CLASP1: variants seen among roughly 807,000 people sequenced by gnomAD.
CLASP1 encodes CLIP-associating protein 1.
In CLASP1, 38 loss-of-function variants were observed where a neutral mutation model predicts 192.3. That is an observed-to-expected ratio of 0.20 (90% CI 0.15 to 0.26). CLASP1 has a LOEUF of 0.26. CLASP1 is among the 10% of genes least tolerant of loss of function. The probability of loss-of-function intolerance (pLI) is 1.00; values close to 1 mark genes in which losing one functional copy is unlikely to be tolerated. For missense variants in CLASP1, 1,433 were observed against 1,932.5 expected, an observed-to-expected ratio of 0.74 and a Z score of 4.85; for synonymous variants, 691 against 712.8, an observed-to-expected ratio of 0.97 and a Z score of 0.49.
At chr2:121,530,190 G>A (rs940257495) in intron 3 of CLASP1, 57 bp downstream of exon 3, 41 of 1,456,602 alleles carry the variant, frequency 2.8e-5, no homozygotes, top group Middle Eastern at 2.0e-4. Flanking sequence ...CGGGGAGGCC[G>A]AGGGAAGGCT....
intron 2 of CLASP1, among the ~76,000 whole-genome samples, chr2:121,577,921 T>C (rs1247883374): frequency 6.6e-6 from 1 of 151,936 alleles, no homozygotes; most frequent in East Asian, 1.9e-4. Context: ...AAAAATTTCA[T>C]TGACTGATTG....
At chr2:121,440,258 A>G (rs1393320177) in intron 19 of CLASP1, among the ~76,000 whole-genome samples, 1 of 152,020 alleles carries the variant, frequency 6.6e-6, no homozygotes, top group Non-Finnish European at 1.5e-5. Flanking sequence ...TCAGATATAT[A>G]TTTATTTTAT....
intron 2 of CLASP1, among the ~76,000 whole-genome samples, chr2:121,598,829 T>A (rs72972740): frequency 0.039 from 5,863 of 152,248 alleles, 159 homozygotes; most frequent in East Asian, 0.14. Flanking sequence ...AAATGCAAAG[T>A]TACTCAAGCT....
intron 1 of CLASP1, among the ~76,000 whole-genome samples, chr2:121,643,468 A>G (rs2072543575): frequency 6.6e-6 from 1 of 152,224 alleles, no homozygotes; most frequent in Admixed American, 6.5e-5. Flanking sequence ...TTTCATTTGC[A>G]GACCTTGATT....
intron 2 of CLASP1, among the ~76,000 whole-genome samples, chr2:121,567,054 C>G (rs1284844300): frequency 6.6e-6 from 1 of 152,174 alleles, no homozygotes; most frequent in East Asian, 1.9e-4. Flanking sequence ...GCCAGCTCTA[C>G]CACTTATCTT....
intron 19 of CLASP1, among the ~76,000 whole-genome samples, chr2:121,440,599 G>A (rs1164919737): frequency 6.6e-6 from 1 of 152,200 alleles, no homozygotes; most frequent in Admixed American, 6.5e-5. Flanking sequence ...GGCTGAGGTG[G>A]GAGGATACTT....
chr2:121,601,734 T>C (rs1476136972), intron 2 of CLASP1, among the ~76,000 whole-genome samples: 1 of 152,162 alleles, frequency 6.6e-6, no homozygotes, highest in Non-Finnish European at 1.5e-5. Context: ...GCAGATGACA[T>C]GATCTTATAT....
intron 7 of CLASP1, among the ~76,000 whole-genome samples, chr2:121,514,939 T>A (rs564162974): frequency 6.6e-6 from 1 of 152,192 alleles, no homozygotes; most frequent in Non-Finnish European, 1.5e-5. Flanking sequence ...ATGGACAAAA[T>A]GACAGGCTCA....
chr2:121,475,413 G>C (rs1400841089), intron 8 of CLASP1, among the ~76,000 whole-genome samples: 1 of 152,220 alleles, frequency 6.6e-6, no homozygotes, highest in East Asian at 1.9e-4. Context: ...CCTAGTTTCA[G>C]TTAACTGGGA....
At chr2:121,357,681 C>T (rs1012312455) in intron 37 of CLASP1, among the ~76,000 whole-genome samples, 8 of 152,318 alleles carry the variant, frequency 5.3e-5, no homozygotes, top group African/African-American at 1.9e-4. Context: ...CAGCCGCCAC[C>T]ACAGCTGCCA....
At chr2:121,370,966 C>T (rs547702162) in intron 34 of CLASP1, among the ~76,000 whole-genome samples, 1 of 152,140 alleles carries the variant, frequency 6.6e-6, no homozygotes, top group Non-Finnish European at 1.5e-5. Context: ...CATTGAGAAG[C>T]CACAACTCAC....
chr2:121,637,101 A>G (rs923787400), intron 1 of CLASP1, among the ~76,000 whole-genome samples: 1 of 152,222 alleles, frequency 6.6e-6, no homozygotes, highest in Non-Finnish European at 1.5e-5. Flanking sequence ...AAAGGTCCTT[A>G]CAATCTGTTT....
chr2:121,624,767 T>C (rs2068012071), intron 1 of CLASP1, among the ~76,000 whole-genome samples: 1 of 152,214 alleles, frequency 6.6e-6, no homozygotes, highest in South Asian at 2.1e-4. Context: ...AAAACATACA[T>C]AAGATTTGCC....
chr2:121,521,294 C>T (rs1047791519), intron 6 of CLASP1, among the ~76,000 whole-genome samples: 5 of 152,084 alleles, frequency 3.3e-5, no homozygotes, highest in Non-Finnish European at 5.9e-5. Context: ...CACATGGGGA[C>T]GCTTTATGGC....
At chr2:121,493,511 A>G (rs1235632414) in intron 8 of CLASP1, among the ~76,000 whole-genome samples, 3 of 152,238 alleles carry the variant, frequency 2.0e-5, no homozygotes, top group Non-Finnish European at 4.4e-5. Flanking sequence ...TGAATTAAAG[A>G]GTTAAACCTA....
chr2:121,482,763 A>G (rs1048828561), intron 8 of CLASP1, among the ~76,000 whole-genome samples: 1 of 152,134 alleles, frequency 6.6e-6, no homozygotes, highest in Non-Finnish European at 1.5e-5. Context: ...CAGGAACTCA[A>G]TTCTCCATAG....
intron 8 of CLASP1, among the ~76,000 whole-genome samples, chr2:121,492,766 T>C (rs900010578): frequency 1.3e-4 from 19 of 151,608 alleles, no homozygotes; most frequent in African/African-American, 4.6e-4. Context: ...TGGAAAACAG[T>C]TTAGTGGTTC....
At chr2:121,371,343 A>C (rs1266406232) in intron 34 of CLASP1, among the ~76,000 whole-genome samples, 5 of 151,276 alleles carry the variant, frequency 3.3e-5, no homozygotes, top group Non-Finnish European at 4.4e-5. Flanking sequence ...CAATACTCTC[A>C]CTGCAGCTTC....
intron 34 of CLASP1, among the ~76,000 whole-genome samples, chr2:121,369,059 G>C (rs977720155): frequency 6.6e-6 from 1 of 152,148 alleles, no homozygotes; most frequent in African/African-American, 2.4e-5. Context: ...CAGATAAGTG[G>C]AACTGCTGAA....
Sources: gnomAD v4.1 joint callset for allele counts (sites outside exome capture counted in the v4.1 genomes callset) on GRCh38, gnomAD v4.1.1 for gene constraint, MANE v1.5 for transcripts, NCBI Gene and HGNC (gene_info 2026-07-23, HGNC 2026-07-21) for gene names.